The following CHIC1 variants were observed in gnomAD, a reference collection of about 807,000 sequenced individuals.
CHIC1 encodes the protein cysteine-rich hydrophobic domain-containing protein 1.
In CHIC1, 7 loss-of-function variants were observed where a neutral mutation model predicts 18.5. The ratio of observed to expected loss-of-function variants is 0.38; its 90% CI spans 0.22 to 0.71. The LOEUF is 0.71. Among genes scored for constraint, CHIC1 ranks in the 30% least tolerant of loss-of-function variants. CHIC1 has a pLI of 0.49. For synonymous variants in CHIC1, 77 were observed against 73.5 expected (o/e 1.05, Z -0.25); for missense variants, 159 against 176.9 (o/e 0.90, Z 0.57).
chrX:73,656,484 AT>A (rs1170515094), intron 3 of CHIC1, among the ~76,000 whole-genome samples: 4 of 111,811 alleles, frequency 3.6e-5, no homozygotes, highest in African/African-American at 1.3e-4. Context: ...TATATATGGT[AT>A]AAGGAAGAGG....
intron 3 of CHIC1, among the ~76,000 whole-genome samples, chrX:73,668,630 T>A (rs1218030862): frequency 1.8e-5 from 2 of 111,449 alleles, no homozygotes; most frequent in Admixed American, 9.6e-5. Context: ...GGGGGTCCGC[T>A]CTAGACCCTA....
At chrX:73,613,457 TATC>T (rs1248827251) in intron 3 of CHIC1, among the ~76,000 whole-genome samples, 1 of 111,126 alleles carries the variant, frequency 9.0e-6, no homozygotes, top group African/African-American at 3.3e-5. Context: ...CTTCCTCTCT[TATC>T]ATATGATTTG....
intron 1 of CHIC1, among the ~76,000 whole-genome samples, chrX:73,571,429 A>T (rs748386875): frequency 1.8e-5 from 2 of 111,928 alleles, no homozygotes; most frequent in Non-Finnish European, 3.8e-5. Context: ...CTACTTCACT[A>T]GCTAAATAGA....
chrX:73,604,697 A>G (rs2057670441), intron 3 of CHIC1, among the ~76,000 whole-genome samples: 1 of 108,737 alleles, frequency 9.2e-6, no homozygotes, highest in Non-Finnish European at 1.9e-5. Context: ...AGATTCTGGT[A>G]TGTTGTGTCT....
chrX:73,566,872 A>G (rs1471608319), intron 1 of CHIC1, among the ~76,000 whole-genome samples: 1 of 111,995 alleles, frequency 8.9e-6, no homozygotes, highest in Non-Finnish European at 1.9e-5. Flanking sequence ...ACAGGCCTTC[A>G]GAGGCAAGGC....
At chrX:73,593,823 C>T in intron 3 of CHIC1, among the ~76,000 whole-genome samples, 1 of 111,348 alleles carries the variant, frequency 9.0e-6, no homozygotes, top group Non-Finnish European at 1.9e-5. Context: ...ATTTTACTGG[C>T]TTCCTTGGAT....
At chrX:73,627,043 C>G (rs1426596486) in intron 3 of CHIC1, among the ~76,000 whole-genome samples, 1 of 106,891 alleles carries the variant, frequency 9.4e-6, no homozygotes, top group Non-Finnish European at 1.9e-5. Context: ...TTTTTGCAGA[C>G]TCGTAGAGAT....
intron 3 of CHIC1, among the ~76,000 whole-genome samples, chrX:73,593,681 T>G (rs67619643): frequency 9.0e-6 from 1 of 111,692 alleles, no homozygotes. Context: ...TCTGAAACTC[T>G]TTCTTGAGTT....
In CHIC1 at chrX:73,591,619, G is replaced by A. The variant is rs193046248; in HGVS notation, c.507+7047G>A. Among the ~76,000 whole-genome samples, 265 of 110,878 alleles carry A rather than the reference G, an allele frequency of 2.4e-3. 2 individuals are homozygous for A. Among genetic ancestry groups the A allele is most frequent in the African/African-American group, 8.5e-3 (261 of 30,602 alleles). The stretch of plus-strand genomic sequence containing the variant: ...TTTCTTTTATGCATCTTGCTTTCTG[G>A]TGTTGTATGTAAGAATTCATTGCCA... On this transcript the variant is annotated intron_variant, in intron 3 of 5. Transcript: ENST00000373502.
intron 3 of CHIC1, among the ~76,000 whole-genome samples, chrX:73,588,838 A>G (rs553335892): frequency 5.4e-5 from 6 of 110,312 alleles, no homozygotes; most frequent in African/African-American, 2.0e-4. Context: ...TAGGCCTACA[A>G]TTATTTTTAG....
chrX:73,667,048 T>C (rs1335836522), intron 3 of CHIC1, among the ~76,000 whole-genome samples: 7 of 112,233 alleles, frequency 6.2e-5, no homozygotes, highest in Admixed American at 3.8e-4. Context: ...ATTGGTTGCA[T>C]ATATATTTAG....
rs1206927994 is a variant in CHIC1 at position 73,684,138 on chromosome X, T to G, written c.*3133T>G. On this transcript the variant is annotated 3_prime_UTR_variant, in exon 6 of 6. Coordinates refer to ENST00000373502, the MANE Select transcript of CHIC1 (RefSeq NM_001039840.4). ...ATTATGTAAAGCTTCTTTCCTTCCT[T>G]TTCCCCAATCATGATATATTAGTGA... The G allele has an allele frequency of 9.0e-6, 1 of 111,445 alleles. No individual in the cohort carries two copies. Among genetic ancestry groups the G allele is most frequent in the African/African-American group, 3.3e-5 (1 of 30,711 alleles). 9.2% of individuals were successfully genotyped at this position (111,445 alleles called of 1,213,427 possible).
intron 3 of CHIC1, among the ~76,000 whole-genome samples, chrX:73,597,840 A>G (rs1256596386): frequency 9.1e-6 from 1 of 109,921 alleles, no homozygotes; most frequent in African/African-American, 3.3e-5. Flanking sequence ...CTCATTGTTC[A>G]ACTCCCATTT....
intron 1 of CHIC1, among the ~76,000 whole-genome samples, chrX:73,571,345 A>G (rs1285669419): frequency 9.0e-6 from 1 of 111,403 alleles, no homozygotes; most frequent in Non-Finnish European, 1.9e-5. Flanking sequence ...TGAAAACTGC[A>G]TCTATGTCTT....
At position 73,563,260 on chromosome X, in the gene CHIC1, G is replaced by T. The variant is rs1298352793; in HGVS notation, c.-25G>T. Reference sequence around the variant, plus strand: ...CAGGTTCAAACTCTTCTCCGGGAGCGTGGCGGCGATCGCGAGGTCACGTGA... The same window carrying T: ...CAGGTTCAAACTCTTCTCCGGGAGCTTGGCGGCGATCGCGAGGTCACGTGA... On this transcript the variant is annotated 5_prime_UTR_variant, in exon 1 of 6. Transcript: ENST00000373502. The T allele has an allele frequency of 5.5e-6, 6 of 1,092,349 alleles. No homozygotes were observed. Among genetic ancestry groups the T allele is most frequent in the Non-Finnish European group, 7.2e-6 (6 of 834,823 alleles). 90.0% of individuals were successfully genotyped at this position (1,092,349 alleles called of 1,213,427 possible). A position where few individuals can be genotyped will look rare whatever the true frequency, so the allele number is the denominator to read the frequency against.
intron 3 of CHIC1, among the ~76,000 whole-genome samples, chrX:73,667,625 A>T (rs1351069622): frequency 1.8e-5 from 2 of 111,528 alleles, no homozygotes; most frequent in East Asian, 5.7e-4. Flanking sequence ...GTTTGGCCGG[A>T]CATGAATTTG....
intron 3 of CHIC1, among the ~76,000 whole-genome samples, chrX:73,588,108 T>C (rs1473845435): frequency 8.9e-6 from 1 of 111,761 alleles, no homozygotes; most frequent in Non-Finnish European, 1.9e-5. Flanking sequence ...TAAAAAATAA[T>C]TTATTGGGAA....
intron 3 of CHIC1, among the ~76,000 whole-genome samples, chrX:73,608,237 G>T (rs1235599085): frequency 9.2e-6 from 1 of 108,979 alleles, no homozygotes; most frequent in Non-Finnish European, 1.9e-5. Context: ...TCTAGGCTCG[G>T]TGTTCTATTT....
intron 3 of CHIC1, among the ~76,000 whole-genome samples, chrX:73,619,871 C>A (rs2057751692): frequency 9.0e-6 from 1 of 110,627 alleles, no homozygotes; most frequent in African/African-American, 3.3e-5. Context: ...CCCCACCCCC[C>A]AAAAGGCCCT....
Sources: allele counts gnomAD v4.1 joint callset (sites outside exome capture counted in the v4.1 genomes callset), GRCh38; gene constraint gnomAD v4.1.1; transcripts MANE v1.5; gene names NCBI Gene and HGNC (gene_info 2026-07-23, HGNC 2026-07-21).